Variants in RGS8 observed in about 807,000 individuals in gnomAD.
RGS8 encodes the protein regulator of G-protein signaling 8.
A neutral mutation model predicts 21.7 loss-of-function variants in RGS8; 8 were observed. The ratio of observed to expected loss-of-function variants is 0.37; its 90% CI spans 0.22 to 0.66. The LOEUF is 0.66. Among genes scored for constraint, RGS8 ranks in the 30% least tolerant of loss-of-function variants. The pLI is 0.59. For missense variants in RGS8, 157 were observed against 217.9 expected (o/e 0.72, Z 1.76); for synonymous variants, 80 against 83.6 (o/e 0.96, Z 0.24).
At chr1:182,643,981 A>T (rs1349782240), downstream of RGS8, 3 of 152,402 alleles carry the variant, frequency 2.0e-5, no homozygotes, top group South Asian at 6.2e-4. Flanking sequence ...CAAGTCCAGA[A>T]GGCAAGTCCA....
intron 4 of RGS8, 115 bp from the exon 6 acceptor site, chr1:182,666,148 G>T (rs1198698798): frequency 2.8e-5 from 22 of 778,414 alleles, no homozygotes; most frequent in Non-Finnish European, 4.6e-5. Flanking sequence ...AGGGTGCAGG[G>T]AGCAAATGAA....
At chr1:182,677,157 A>G (rs539274853), upstream of RGS8, among the ~76,000 whole-genome samples, 6 of 152,266 alleles carry the variant, frequency 3.9e-5, no homozygotes, top group South Asian at 6.2e-4. Flanking sequence ...TTCAACCCCA[A>G]CTCCGTAATT....
chr1:182,716,305 T>C, the RGS8 span, among the ~76,000 whole-genome samples: 3 of 152,018 alleles, frequency 2.0e-5, no homozygotes, highest in Non-Finnish European at 2.9e-5. Flanking sequence ...TTTTGTATTT[T>C]AGTAAAGAAG....
At chr1:182,703,116 T>C in the RGS8 span, among the ~76,000 whole-genome samples, 80,285 of 152,044 alleles carry the variant, frequency 0.53, 22,074 homozygotes, top group African/African-American at 0.71. Flanking sequence ...CTAGACAGTC[T>C]TATCTGAGTA....
At chr1:182,689,230 C>T (rs535490819), upstream of RGS8, among the ~76,000 whole-genome samples, 4 of 151,832 alleles carry the variant, frequency 2.6e-5, no homozygotes, top group South Asian at 8.3e-4. Flanking sequence ...GCATCTCTCT[C>T]TCTCTCTCTC....
At chr1:182,672,806 C>G, upstream of RGS8, 4 of 1,614,114 alleles carry the variant, frequency 2.5e-6, no homozygotes, top group Non-Finnish European at 3.4e-6. Context: ...TTTCTTCTTT[C>G]AAACCTCCTT....
intron 3 of RGS8, 106 bp downstream of exon 4, chr1:182,669,518 G>C (rs1025987137): frequency 6.6e-7 from 1 of 1,519,338 alleles, no homozygotes; most frequent in East Asian, 2.3e-5. Flanking sequence ...AGTAGACCAC[G>C]CATGGGCTCA....
chr1:182,671,729 T>C (rs680277), exon 2 of RGS8: 113,753 of 1,611,936 alleles, frequency 0.071, 10,148 homozygotes, highest in African/African-American at 0.44. Flanking sequence ...GGTTAAGGTG[T>C]TCTGGGGAAA....
At chr1:182,706,415 A>T in the RGS8 span, among the ~76,000 whole-genome samples, 1 of 152,196 alleles carries the variant, frequency 6.6e-6, no homozygotes, top group Admixed American at 6.5e-5. Flanking sequence ...CCACCTAAGT[A>T]GGAAGACCTA....
At chr1:182,699,220 C>A in the RGS8 span, among the ~76,000 whole-genome samples, 1 of 152,324 alleles carries the variant, frequency 6.6e-6, no homozygotes, top group African/African-American at 2.4e-5. Flanking sequence ...CAGAGGCAGG[C>A]CTTCCTTCAT....
chr1:182,741,284 G>T, the RGS8 span, among the ~76,000 whole-genome samples: 4 of 109,032 alleles, frequency 3.7e-5, no homozygotes, highest in African/African-American at 7.5e-5. Flanking sequence ...CTCACCTCCC[G>T]GACGGGGCGG....
intron 2 of RGS8, among the ~76,000 whole-genome samples, chr1:182,670,376 G>A (rs1415594019): frequency 2.0e-5 from 3 of 152,202 alleles, no homozygotes; most frequent in African/African-American, 7.2e-5. Context: ...TCCTCAGCCT[G>A]GGGCCTGGCC....
chr1:182,700,839 T>C, the RGS8 span, among the ~76,000 whole-genome samples: 1 of 152,250 alleles, frequency 6.6e-6, no homozygotes, highest in African/African-American at 2.4e-5. Context: ...AGTGGACTAC[T>C]TACATTGGAG....
chr1:182,737,423 C>T, the RGS8 span, among the ~76,000 whole-genome samples: 3 of 152,098 alleles, frequency 2.0e-5, no homozygotes, highest in Admixed American at 6.5e-5. Flanking sequence ...TCCCATAACC[C>T]CATGTGTCGT....
rs1283641218 is a variant in RGS8 at position 182,684,112 on chromosome 1, G to A, written n.221+244C>T. 1.3e-5 allele frequency among the ~76,000 whole-genome samples: 2 copies of A among 152,214 alleles called. No homozygotes were observed. The highest frequency in any genetic ancestry group is 2.9e-5 in the Non-Finnish European group (2 of 68,040). On this transcript the variant is annotated intron_variant and non_coding_transcript_variant, in intron 1 of 4. Transcript: ENST00000515211. The surrounding 1 kb of genome is among the most constrained non-coding windows in gnomAD (Gnocchi z 4.2). ...AGGAAGGAGGATGGAGAACACAAAG[G>A]ACATTTGAGGCTTAGCACCTGCTAA...
At chr1:182,654,974 A>C (rs753858620) in intron 5 of RGS8, among the ~76,000 whole-genome samples, 4 of 152,192 alleles carry the variant, frequency 2.6e-5, no homozygotes, top group Non-Finnish European at 5.9e-5. Context: ...AAGAATTTTA[A>C]AGTAACATCA....
chr1:182,643,333 C>CCCCCCCCCCCG (rs1320966882), downstream of RGS8: 12 of 126,418 alleles, frequency 9.5e-5, no homozygotes, highest in African/African-American at 2.9e-4. Context: ...GCCCCCCCGC[C>CCCCCCCCCCCG]CCCGCGCTGT....
At chr1:182,735,043 T>A in the RGS8 span, among the ~76,000 whole-genome samples, 1 of 152,240 alleles carries the variant, frequency 6.6e-6, no homozygotes, top group Non-Finnish European at 1.5e-5. Flanking sequence ...CTTTTTTTAA[T>A]ACTACGTTTT....
chr1:182,661,304 G>T (rs1240226049), intron 5 of RGS8, among the ~76,000 whole-genome samples: 2 of 151,956 alleles, frequency 1.3e-5, no homozygotes, highest in African/African-American at 4.8e-5. Context: ...TGGTGGGATA[G>T]GTCAGGGAGA....
Sources: gnomAD v4.1 joint callset for allele counts (sites outside exome capture counted in the v4.1 genomes callset) on GRCh38, gnomAD v4.1.1 for gene constraint, Gnocchi (gnomAD v3.1) non-coding constraint, MANE v1.5 for transcripts, NCBI Gene and HGNC (gene_info 2026-07-23, HGNC 2026-07-21) for gene names.